The following ESCO2 variants were observed in gnomAD, a reference collection of about 807,000 sequenced individuals.
ESCO2 encodes establishment of sister chromatid cohesion N-acetyltransferase 2, also known as N-acetyltransferase ESCO2.
ESCO2 carries 51 observed loss-of-function variants against 61.7 expected under a neutral mutation model. That is an observed-to-expected ratio of 0.83 (90% CI 0.66 to 1.04). The LOEUF (loss-of-function observed/expected upper bound fraction) is 1.04. Among genes scored for constraint, ESCO2 ranks in the 50% least tolerant of loss-of-function variants. The pLI is 0.00. For synonymous variants in ESCO2, 230 were observed against 238.2 expected (o/e 0.97, Z 0.32); for missense variants, 692 against 686.2 (o/e 1.01, Z -0.09).
chr8:27,809,637 G>C (rs1001265747), downstream of ESCO2: 2 of 152,142 alleles, frequency 1.3e-5, no homozygotes, highest in African/African-American at 4.8e-5. Context: ...TACCCAAAGT[G>C]TCCTTTATTC....
At chr8:27,795,380 A>G (rs1429878934) in intron 9 of ESCO2, among the ~76,000 whole-genome samples, 2 of 152,094 alleles carry the variant, frequency 1.3e-5, no homozygotes, top group Non-Finnish European at 1.5e-5. Context: ...TGTATCCTGC[A>G]CCTTTTCTGC....
At chr8:27,794,283 A>G (rs1805246334) in intron 9 of ESCO2, among the ~76,000 whole-genome samples, 1 of 152,164 alleles carries the variant, frequency 6.6e-6, no homozygotes, top group Admixed American at 6.5e-5. Context: ...TGGTAGTTGC[A>G]TTTTTATAGT....
At chr8:27,814,042 G>A (rs1385961637), downstream of ESCO2, among the ~76,000 whole-genome samples, 1 of 152,112 alleles carries the variant, frequency 6.6e-6, no homozygotes, top group Non-Finnish European at 1.5e-5. Context: ...AATGTGTCAG[G>A]TTTTCATATT....
chr8:27,809,110 G>C (rs1481610167), downstream of ESCO2, among the ~76,000 whole-genome samples: 1 of 152,118 alleles, frequency 6.6e-6, no homozygotes, highest in Non-Finnish European at 1.5e-5. Context: ...GGAAAAGAAT[G>C]CCCTGGAGAA....
At chr8:27,775,423 C>A in intron 1 of ESCO2, 76 bp from the exon 2 acceptor site, 1 of 1,249,292 alleles carries the variant, frequency 8.0e-7, no homozygotes, top group Non-Finnish European at 1.2e-6. Context: ...GTGAAATAGA[C>A]TAATTAAAGG....
In ESCO2 at chr8:27,805,126, C is replaced by A. The variant is rs1032805134; in HGVS notation, c.*1688C>A. On this transcript the variant is annotated 3_prime_UTR_variant, in exon 11 of 11. Transcript: ENST00000305188. ...TGAAACCCCGTCTCTACTAAAAATACAAAAAATTAGCCGGGCGCGGTGGCG... is the reference window on the plus strand; with the variant it reads ...TGAAACCCCGTCTCTACTAAAAATAAAAAAAATTAGCCGGGCGCGGTGGCG... The A allele has an allele frequency of 1.5e-5, 2 of 135,658 alleles. 1 individual carries two copies. Among genetic ancestry groups the A allele is most frequent in the African/African-American group, 5.9e-5 (2 of 33,774 alleles). 8.4% of individuals were successfully genotyped at this position (135,658 alleles called of 1,614,324 possible). A position where few individuals can be genotyped will look rare whatever the true frequency, so the allele number is the denominator to read the frequency against.
intron 1 of ESCO2, 105 bp from the exon 2 acceptor site, chr8:27,775,394 A>G (rs1354057028): frequency 2.9e-5 from 30 of 1,017,094 alleles, no homozygotes; most frequent in Non-Finnish European, 3.6e-5. Context: ...CCTCCCAGAA[A>G]ATAGGGTTTT....
In ESCO2 at chr8:27,804,599, A is replaced by C; in HGVS notation, c.*1161A>C. 1 of 985,424 alleles carries C rather than the reference A, an allele frequency of 1.0e-6. No individual in the cohort carries two copies. The highest frequency in any genetic ancestry group is 1.7e-5 in the African/African-American group (1 of 57,374). 61.0% of individuals were successfully genotyped at this position (985,424 alleles called of 1,614,324 possible). On this transcript the variant is annotated 3_prime_UTR_variant, in exon 11 of 11. Transcript: ENST00000305188. ...CATTGTTCAAATTGTTTTGATTCTG[A>C]AAAATCATTCAACTGCTAACTGGCA...
intron 5 of ESCO2, among the ~76,000 whole-genome samples, chr8:27,785,767 C>A (rs1222148727): frequency 1.3e-5 from 2 of 151,692 alleles, no homozygotes; most frequent in East Asian, 3.9e-4. Context: ...TTTGTAGACT[C>A]CAAAACGTCA....
chr8:27,811,407 G>C, downstream of ESCO2: 1 of 542,832 alleles, frequency 1.8e-6, no homozygotes, highest in Admixed American at 3.2e-5. Context: ...TGAGATTACA[G>C]ACTCTGGAGC....
chr8:27,788,770 G>T, intron 6 of ESCO2, 77 bp from the exon 7 acceptor site: 3 of 1,569,204 alleles, frequency 1.9e-6, no homozygotes, highest in East Asian at 2.3e-5. Flanking sequence ...AAATTTGAAT[G>T]AATGGTTATA....
At chr8:27,789,890 C>G (rs1805136446) in intron 7 of ESCO2, among the ~76,000 whole-genome samples, 1 of 151,964 alleles carries the variant, frequency 6.6e-6, no homozygotes, top group Non-Finnish European at 1.5e-5. Flanking sequence ...AATCTGGCCT[C>G]AACCTTTCCT....
At chr8:27,815,671 T>C (rs1805797024), downstream of ESCO2, among the ~76,000 whole-genome samples, 1 of 152,208 alleles carries the variant, frequency 6.6e-6, no homozygotes, top group Non-Finnish European at 1.5e-5. Context: ...TCCATCAGGC[T>C]AAAAAGTAGT....
chr8:27,818,004 A>G, the ESCO2 span, among the ~76,000 whole-genome samples: 1 of 152,228 alleles, frequency 6.6e-6, no homozygotes, highest in African/African-American at 2.4e-5. Context: ...TAATGTAAAT[A>G]GCAACATGCA....
At chr8:27,779,867 A>G (rs1231457815) in intron 3 of ESCO2, 5 of 284,174 alleles carry the variant, frequency 1.8e-5, no homozygotes, top group Non-Finnish European at 3.4e-5. Context: ...GGGTTTCACC[A>G]TGTTAGCCAG....
At chr8:27,781,499 C>T (rs1280783443) in intron 4 of ESCO2, among the ~76,000 whole-genome samples, 2 of 151,540 alleles carry the variant, frequency 1.3e-5, no homozygotes, top group African/African-American at 2.4e-5. Flanking sequence ...CTGTTTCCTC[C>T]ATTCTTAACA....
intron 1 of ESCO2, among the ~76,000 whole-genome samples, chr8:27,775,201 C>T (rs1282628995): frequency 6.6e-6 from 1 of 152,176 alleles, no homozygotes; most frequent in Non-Finnish European, 1.5e-5. Context: ...CTGTGCTTCA[C>T]CCGTTTTCTT....
At chr8:27,809,467 A>G (rs1484104176), downstream of ESCO2, among the ~76,000 whole-genome samples, 1 of 152,172 alleles carries the variant, frequency 6.6e-6, no homozygotes, top group Non-Finnish European at 1.5e-5. Context: ...GTAATTTGGA[A>G]AATTCCCAGG....
chr8:27,803,549 TACACACACAC>T lies in ESCO2; in HGVS notation c.*120_*129del, dbSNP rs56062620. The T allele has an allele frequency of 2.6e-5, 35 of 1,324,010 alleles. No individual in the cohort carries two copies. In the Admixed American group the frequency reaches 5.1e-4, roughly 19 times the overall value. The allele number at this position is 1,324,010 out of a possible 1,614,324, so 82.0% of individuals were successfully genotyped here. A position where few individuals can be genotyped will look rare whatever the true frequency, so the allele number is the denominator to read the frequency against. On this transcript the variant is annotated 3_prime_UTR_variant, in exon 11 of 11. Coordinates refer to ENST00000305188, the MANE Select transcript of ESCO2 (RefSeq NM_001017420.3). ...TAAAAAATACCGAGACTCACACTCA[TACACACACAC>T]ACACACACGCACACACACATATCAC...
Sources: allele counts gnomAD v4.1 joint callset (sites outside exome capture counted in the v4.1 genomes callset), GRCh38; gene constraint gnomAD v4.1.1; transcripts MANE v1.5; gene names NCBI Gene and HGNC (gene_info 2026-07-23, HGNC 2026-07-21).